OSTF1: variants seen among roughly 807,000 people sequenced by gnomAD.
OSTF1 encodes the protein osteoclast stimulating factor 1.
In OSTF1, 27 loss-of-function variants were observed where a neutral mutation model predicts 37.2. The observed-to-expected ratio is 0.73, with a 90% CI of 0.54 to 1.00. The LOEUF is 1.00. OSTF1 is among the 50% of genes least tolerant of loss of function. The probability of loss-of-function intolerance (pLI) is 0.00; values close to 1 mark genes in which losing one functional copy is unlikely to be tolerated. For synonymous variants in OSTF1, 82 were observed against 89.2 expected (o/e 0.92, Z 0.46); for missense variants, 232 against 253.8 (o/e 0.91, Z 0.58).
chr9:75,090,360 C>T (rs1409106253), intron 1 of OSTF1, among the ~76,000 whole-genome samples: 1 of 151,742 alleles, frequency 6.6e-6, no homozygotes, highest in East Asian at 1.9e-4. Context: ...TGGGTTCATT[C>T]ACACTTGGGG....
At chr9:75,121,691 A>T (rs554958372) in intron 2 of OSTF1, among the ~76,000 whole-genome samples, 3 of 152,234 alleles carry the variant, frequency 2.0e-5, no homozygotes, top group South Asian at 4.1e-4. Context: ...CTTTTTCTGA[A>T]TGAGAATTTC....
chr9:75,137,864 A>T (rs1425301127), intron 8 of OSTF1, among the ~76,000 whole-genome samples: 1 of 152,224 alleles, frequency 6.6e-6, no homozygotes, highest in Admixed American at 6.5e-5. Context: ...TTTAGTAAGA[A>T]CTGTATTGTA....
chr9:75,122,791 C>G (rs1247830466), intron 2 of OSTF1, among the ~76,000 whole-genome samples: 1 of 152,034 alleles, frequency 6.6e-6, no homozygotes, highest in Non-Finnish European at 1.5e-5. Flanking sequence ...TTCTGAATGC[C>G]CAGACCAGTA....
chr9:75,100,550 C>T (rs1454863978), intron 1 of OSTF1, among the ~76,000 whole-genome samples: 2 of 151,828 alleles, frequency 1.3e-5, no homozygotes, highest in Admixed American at 6.6e-5. Flanking sequence ...GCCAACATGG[C>T]GAAACCCTGT....
intron 7 of OSTF1, among the ~76,000 whole-genome samples, chr9:75,135,714 G>A (rs1825830996): frequency 6.6e-6 from 1 of 152,222 alleles, no homozygotes; most frequent in Admixed American, 6.5e-5. Flanking sequence ...GCATGGCATA[G>A]CTGCGTTCTC....
intron 2 of OSTF1, among the ~76,000 whole-genome samples, chr9:75,119,876 A>C (rs904675360): frequency 6.6e-6 from 1 of 152,140 alleles, no homozygotes; most frequent in Non-Finnish European, 1.5e-5. Flanking sequence ...AGGCAGGAGA[A>C]TCACTTGAAC....
chr9:75,101,216 A>T (rs1825187566), intron 1 of OSTF1, among the ~76,000 whole-genome samples: 2 of 152,230 alleles, frequency 1.3e-5, no homozygotes, highest in Admixed American at 6.5e-5. Flanking sequence ...GGAGCCCTGG[A>T]GTGGAGTCAG....
chr9:75,117,928 C>G (rs1440648093), intron 2 of OSTF1, among the ~76,000 whole-genome samples: 1 of 152,242 alleles, frequency 6.6e-6, no homozygotes, highest in Non-Finnish European at 1.5e-5. Flanking sequence ...TACTGCTAAC[C>G]TTCCAGAACA....
chr9:75,100,390 A>G (rs1251523067), intron 1 of OSTF1, among the ~76,000 whole-genome samples: 1 of 152,106 alleles, frequency 6.6e-6, no homozygotes, highest in Non-Finnish European at 1.5e-5. Context: ...AAAAGATAAA[A>G]TGATCTTCTG....
chr9:75,135,459 G>GTAT (rs140764), intron 7 of OSTF1, among the ~76,000 whole-genome samples: 118,700 of 151,812 alleles, frequency 0.78, 46,733 homozygotes, highest in African/African-American at 0.87. Flanking sequence ...AAATTATCTT[G>GTAT]TATTTCTTTT....
intron 1 of OSTF1, among the ~76,000 whole-genome samples, chr9:75,097,383 G>A (rs965882385): frequency 2.0e-5 from 3 of 152,066 alleles, no homozygotes; most frequent in Non-Finnish European, 2.9e-5. Flanking sequence ...AACCTATTCT[G>A]TATCTAAATA....
intron 1 of OSTF1, 102 bp downstream of exon 1, chr9:75,088,828 G>T: frequency 8.4e-7 from 1 of 1,189,400 alleles, no homozygotes; most frequent in South Asian, 1.3e-5. Context: ...ACCCGGCCCC[G>T]AGCCTGGCTT....
chr9:75,127,612 C>A lies in OSTF1; in HGVS notation c.125C>A (p.Thr42Asn). 6.4e-7 allele frequency: 1 copy of A among 1,566,270 alleles called. No homozygotes were observed. Among genetic ancestry groups the A allele is most frequent in the Non-Finnish European group, 8.7e-7 (1 of 1,146,156 alleles). ...YFEEGDIIYITDMSDTNWWKG... is the reference protein window; with the variant it reads ...YFEEGDIIYINDMSDTNWWKG... ...GAGGAAGGTGATATTATCTACATTA[C>A]TGACATGGTAAGTCCAGATAACATC... Residue 42 changes from threonine to asparagine, a missense_variant, in exon 3 of 10, where the codon ACT becomes AAT. Coordinates refer to ENST00000346234, the MANE Select transcript of OSTF1 (RefSeq NM_012383.5).
intron 2 of OSTF1, among the ~76,000 whole-genome samples, chr9:75,120,133 A>G (rs574164255): frequency 3.3e-5 from 5 of 152,336 alleles, no homozygotes; most frequent in East Asian, 3.9e-4. Flanking sequence ...AAAAAAATCC[A>G]TAAGTCAAAA....
intron 1 of OSTF1, among the ~76,000 whole-genome samples, chr9:75,105,945 A>G (rs1312027064): frequency 2.0e-5 from 3 of 152,268 alleles, no homozygotes; most frequent in African/African-American, 7.2e-5. Context: ...TAAGCAAAGA[A>G]AAAATGGATT....
chr9:75,121,716 T>C (rs17703655), intron 2 of OSTF1, among the ~76,000 whole-genome samples: 7,265 of 152,324 alleles, frequency 0.048, 220 homozygotes, highest in Middle Eastern at 0.078. Flanking sequence ...GGAAGCTGTT[T>C]GGTCTCTCTC....
intron 2 of OSTF1, among the ~76,000 whole-genome samples, chr9:75,123,532 G>A (rs1436731307): frequency 3.3e-5 from 5 of 152,256 alleles, no homozygotes. Flanking sequence ...GTGATGCTGG[G>A]AATTTAAAAG....
At chr9:75,123,924 A>C (rs577256077) in intron 2 of OSTF1, among the ~76,000 whole-genome samples, 176 of 152,346 alleles carry the variant, frequency 1.2e-3, no homozygotes, top group African/African-American at 4.1e-3. Flanking sequence ...ACCACTATTG[A>C]ACGGCAGCCA....
chr9:75,145,586 T>C (rs1474888185), intron 9 of OSTF1, among the ~76,000 whole-genome samples: 2 of 152,210 alleles, frequency 1.3e-5, no homozygotes, highest in Non-Finnish European at 2.9e-5. Context: ...CCCTCATCAA[T>C]TGTTTTGTTA....
Sources: allele counts gnomAD v4.1 joint callset (sites outside exome capture counted in the v4.1 genomes callset), GRCh38; gene constraint gnomAD v4.1.1; transcripts MANE v1.5; gene names NCBI Gene and HGNC (gene_info 2026-07-23, HGNC 2026-07-21).